Variants in ZNF777 observed in about 807,000 individuals in gnomAD.
ZNF777 encodes zinc finger protein 777.
Under a neutral mutation model 72.1 loss-of-function variants are expected in ZNF777, and 7 were observed. That is an observed-to-expected ratio of 0.10 (90% CI 0.06 to 0.18). The LOEUF (loss-of-function observed/expected upper bound fraction) is 0.18. Among genes scored for constraint, ZNF777 ranks in the 10% least tolerant of loss-of-function variants. The pLI, the probability that ZNF777 is intolerant of heterozygous loss-of-function variation, is 1.00. For synonymous variants in ZNF777, 545 were observed against 483.5 expected, an observed-to-expected ratio of 1.13 and a Z score of -1.67; for missense variants, 828 against 1,128.6, an observed-to-expected ratio of 0.73 and a Z score of 3.82.
intron 4 of ZNF777, among the ~76,000 whole-genome samples, chr7:149,440,665 GTTTTTTTGTT>G (rs1454821965): frequency 1.2e-4 from 11 of 88,396 alleles, no homozygotes; most frequent in Non-Finnish European, 2.1e-4. Flanking sequence ...GCAGCCTGTT[GTTTTTTTGTT>G]TTTTTTTTTT....
chr7:149,449,328 C>A (rs1799673216), intron 4 of ZNF777, among the ~76,000 whole-genome samples: 1 of 152,238 alleles, frequency 6.6e-6, no homozygotes, highest in South Asian at 2.1e-4. Context: ...CCAGCAGAAG[C>A]TCCTGTGGAT....
intron 2 of ZNF777, 147 bp from the exon 3 acceptor site, chr7:149,454,384 G>A: frequency 1.1e-6 from 1 of 939,164 alleles, no homozygotes; most frequent in Non-Finnish European, 1.6e-6. Flanking sequence ...CCCAAAGAGT[G>A]AGGGGCCTGT....
Position 149,455,829 on chromosome 7 carries a change from T to G in ZNF777, c.194A>C (p.Gln65Pro), listed in dbSNP as rs1799817882. 1.9e-6 allele frequency: 3 copies of G among 1,613,812 alleles called. No homozygotes were observed. The highest frequency in any genetic ancestry group is 2.5e-6 in the Non-Finnish European group (3 of 1,179,880). Reference sequence around the variant, plus strand: ...ATGTGGCATCCGGCCAGAAGTCTCTTGCTTGGGAGCACTGGAAGTTTGGGG... The same window carrying G: ...ATGTGGCATCCGGCCAGAAGTCTCTGGCTTGGGAGCACTGGAAGTTTGGGG... ...SLPQTSSAPK[Q>P]ETSGRMPHVL... is the part of the protein sequence containing the mutation. The change falls in exon 2 of 6, where the codon CAA becomes CCA. Residue 65 changes from glutamine (Q) to proline (P), a missense_variant. This residue lies in a region of ZNF777 where 222 missense variants were observed against 211.2 expected (regional missense o/e 1.05). Coordinates refer to ENST00000247930, the MANE Select transcript of ZNF777 (RefSeq NM_015694.3). This position sits in a 1 kb window ranked among gnomAD's most constrained non-coding sequence, Gnocchi z 4.2.
Position 149,432,858 on chromosome 7 carries a change from A to T in ZNF777, c.1414T>A (p.Leu472Met). ...CCGGACAGCTGCCCAAGGGATTGCA[A>T]GTGCTGCGGCAGCTCATCCTCCTCC... is the stretch of plus-strand genomic sequence containing the variant. ...EEEEDELPQHLQSLGQLSGRY... is the reference protein window; with the variant it reads ...EEEEDELPQHMQSLGQLSGRY... The change falls in exon 6 of 6, where the codon TTG (leucine) becomes ATG (methionine). Residue 472 changes from leucine (L) to methionine (M), a missense_variant. Physicochemically the swap from Leu to Met is conservative, Grantham distance 15. This residue lies in a region of ZNF777 where 219 missense variants were observed against 223.0 expected (regional missense o/e 0.98). Coordinates refer to ENST00000247930, the MANE Select transcript of ZNF777 (RefSeq NM_015694.3). 1 of 1,574,952 alleles carries T rather than the reference A, an allele frequency of 6.3e-7. No individual in the cohort carries two copies. Among genetic ancestry groups the T allele is most frequent in the Non-Finnish European group, 8.6e-7 (1 of 1,159,814 alleles).
chr7:149,436,542 AC>A lies in ZNF777; in HGVS notation c.1339+32del. 1 of 1,558,158 alleles carries A rather than the reference AC, an allele frequency of 6.4e-7. No homozygotes were observed. The highest frequency in any genetic ancestry group is 8.7e-7 in the Non-Finnish European group (1 of 1,150,366). On this transcript the variant is annotated intron_variant, in intron 5 of 5. Coordinates refer to ENST00000247930, the MANE Select transcript of ZNF777 (RefSeq NM_015694.3). The surrounding 1 kb of genome is among the most constrained non-coding windows in gnomAD (Gnocchi z 5.0). ...GGGCCCTCTGGGAGGCCTCATGGCA[AC>A]CCTTCCCCGGCCGTCCCCGCCCAGC...
At chr7:149,439,563 G>A (rs1291401967) in intron 4 of ZNF777, among the ~76,000 whole-genome samples, 2 of 152,096 alleles carry the variant, frequency 1.3e-5, no homozygotes, top group African/African-American at 4.8e-5. Flanking sequence ...ATTCTTCTTT[G>A]ATAGCTGGAA....
intron 4 of ZNF777, among the ~76,000 whole-genome samples, chr7:149,448,894 A>G (rs1052032749): frequency 1.3e-5 from 2 of 152,154 alleles, no homozygotes; most frequent in African/African-American, 4.8e-5. Flanking sequence ...TTGGGAAGCC[A>G]ACCATTAAAT....
chr7:149,458,299 T>G (rs1022588176), intron 1 of ZNF777, among the ~76,000 whole-genome samples: 3 of 152,142 alleles, frequency 2.0e-5, no homozygotes, highest in African/African-American at 4.8e-5. Context: ...TCATTCCCTG[T>G]GAAGGAAGCG....
chr7:149,442,116 C>G (rs1388858887), intron 4 of ZNF777, among the ~76,000 whole-genome samples: 2 of 149,824 alleles, frequency 1.3e-5, no homozygotes, highest in African/African-American at 4.9e-5. Flanking sequence ...ACTCGGGAGG[C>G]TAAGGCAGGA....
chr7:149,447,156 A>G (rs553053924), intron 4 of ZNF777, among the ~76,000 whole-genome samples: 1 of 152,184 alleles, frequency 6.6e-6, no homozygotes, highest in Non-Finnish European at 1.5e-5. Flanking sequence ...GGGCCCCATC[A>G]TGAACAACAT....
At chr7:149,441,904 G>GTGTT (rs1431630561) in intron 4 of ZNF777, among the ~76,000 whole-genome samples, 2 of 151,912 alleles carry the variant, frequency 1.3e-5, no homozygotes, top group East Asian at 1.9e-4. Context: ...TGTGATCATA[G>GTGTT]TGTTTACTAA....
In ZNF777 at chr7:149,456,587, C is replaced by T. The variant is rs1032324513; in HGVS notation, c.-15-550G>A. Among the ~76,000 whole-genome samples, 4 of 152,124 alleles carry T rather than the reference C, an allele frequency of 2.6e-5. 1 individual carries two copies. Among genetic ancestry groups the T allele is most frequent in the Non-Finnish European group, 5.9e-5 (4 of 68,020 alleles). ...CACATCTCCCAGCAGGGGTGGGGGG[C>T]TCACCAGCAGGGGCCAGAACTGTTA... On this transcript the variant is annotated intron_variant, in intron 1 of 5. Coordinates refer to ENST00000247930, the MANE Select transcript of ZNF777 (RefSeq NM_015694.3).
intron 4 of ZNF777, among the ~76,000 whole-genome samples, chr7:149,447,665 A>G (rs1374487076): frequency 2.0e-5 from 3 of 152,190 alleles, no homozygotes; most frequent in Non-Finnish European, 4.4e-5. Flanking sequence ...CCTAGCTTCC[A>G]GACCATCCCC....
intron 4 of ZNF777, among the ~76,000 whole-genome samples, chr7:149,437,264 G>A (rs1335244611): frequency 6.6e-6 from 1 of 151,970 alleles, no homozygotes; most frequent in Non-Finnish European, 1.5e-5. Flanking sequence ...GCATGAATGA[G>A]TCACTGCGCC....
chr7:149,459,864 C>CCA (rs1187400295), intron 1 of ZNF777: 61 of 984,054 alleles, frequency 6.2e-5, no homozygotes, highest in South Asian at 9.4e-5. Context: ...TCCGGGCGCC[C>CCA]CACCTCGGGG....
chr7:149,448,485 C>CTA lies in ZNF777; in HGVS notation c.1087+2512_1087+2513dup, dbSNP rs61005836. 3.1e-3 allele frequency among the ~76,000 whole-genome samples: 323 copies of CTA among 104,590 alleles called. 1 individual carries two copies. The highest frequency in any genetic ancestry group is 0.024 in the East Asian group (109 of 4,552). 68.6% of individuals were successfully genotyped at this position (104,590 alleles called of 152,430 possible). A position where few individuals can be genotyped will look rare whatever the true frequency, so the allele number is the denominator to read the frequency against. ...GCTCCATCTCAAAAACAAAACAAAA[C>CTA]TATATATATATATATATATATATAT... On this transcript the variant is annotated intron_variant, in intron 4 of 5. Transcript: ENST00000247930.
intron 4 of ZNF777, among the ~76,000 whole-genome samples, chr7:149,445,761 C>T (rs887161385): frequency 2.0e-5 from 3 of 152,174 alleles, no homozygotes; most frequent in African/African-American, 7.2e-5. Context: ...TGTCACATAT[C>T]AGGGCTAGGG....
chr7:149,455,985 C>G lies in ZNF777; in HGVS notation c.38G>C (p.Ser13Thr), dbSNP rs1306938402. 1.2e-6 allele frequency: 2 copies of G among 1,607,144 alleles called. No homozygotes were observed. ...NQRSSPLSFP[S>T]VPQEETLRQA... ...ACGTAAGGTTTCTTCTTGTGGAACA[C>G]TGGGGAACGACAGAGGTGATGAGCG... The change falls in exon 2 of 6, where the codon AGT becomes ACT. Residue 13 changes from serine to threonine, a missense_variant. Around this residue, in one of 12 missense-constraint regions of ZNF777, gnomAD observed 222 missense variants for 211.2 expected, o/e 1.05. Transcript: ENST00000247930. This position sits in a 1 kb window ranked among gnomAD's most constrained non-coding sequence, Gnocchi z 4.2.
At chr7:149,446,814 C>G (rs1799611206) in intron 4 of ZNF777, among the ~76,000 whole-genome samples, 1 of 152,186 alleles carries the variant, frequency 6.6e-6, no homozygotes, top group African/African-American at 2.4e-5. Context: ...TCCTCACCCA[C>G]TGACTATCAG....
Sources: gnomAD v4.1 joint callset for allele counts (sites outside exome capture counted in the v4.1 genomes callset) on GRCh38, gnomAD v4.1.1 for gene constraint, gnomAD v4.1.1 regional missense constraint, Gnocchi (gnomAD v3.1) non-coding constraint, MANE v1.5 for transcripts, NCBI Gene and HGNC (gene_info 2026-07-23, HGNC 2026-07-21) for gene names.